RAPGEF6: variants seen among roughly 807,000 people sequenced by gnomAD.
The protein encoded by RAPGEF6 is Rap guanine nucleotide exchange factor 6.
Under a neutral mutation model 171.4 loss-of-function variants are expected in RAPGEF6, and 56 were observed. That is an observed-to-expected ratio of 0.33 (90% CI 0.26 to 0.41). The LOEUF is 0.41. Among genes scored for constraint, RAPGEF6 ranks in the 10% least tolerant of loss-of-function variants. RAPGEF6 has a pLI of 1.00. For missense variants in RAPGEF6, 1,674 were observed against 1,921.4 expected (o/e 0.87, Z 2.41); for synonymous variants, 692 against 650.1 (o/e 1.06, Z -0.98).
intron 1 of RAPGEF6, among the ~76,000 whole-genome samples, chr5:131,623,097 G>T (rs1282750553): frequency 6.6e-6 from 1 of 152,132 alleles, no homozygotes; most frequent in Non-Finnish European, 1.5e-5. Flanking sequence ...CTTCTTCTAA[G>T]TAGGCAATTA....
chr5:131,442,259 C>A, intron 23 of RAPGEF6, 90 bp downstream of exon 23: 1 of 1,273,500 alleles, frequency 7.9e-7, no homozygotes, highest in Admixed American at 2.4e-5. Context: ...CCTACAACAG[C>A]TTATCTCCTG....
At chr5:131,433,742 AC>A (rs1303929760) in intron 24 of RAPGEF6, 84 bp from the exon 25 acceptor site, 56 of 998,336 alleles carry the variant, frequency 5.6e-5, no homozygotes, top group African/African-American at 2.2e-4. Flanking sequence ...AAAAAAAAAA[AC>A]CCCACAAAAA....
intron 11 of RAPGEF6, among the ~76,000 whole-genome samples, chr5:131,503,612 C>T (rs182404465): frequency 1.4e-3 from 214 of 152,298 alleles, no homozygotes; most frequent in Middle Eastern, 0.014. Flanking sequence ...TAAACTGCTT[C>T]ATCTGCAATT....
At chr5:131,487,076 G>A (rs1356382708) in intron 15 of RAPGEF6, among the ~76,000 whole-genome samples, 2 of 152,136 alleles carry the variant, frequency 1.3e-5, no homozygotes, top group Admixed American at 1.3e-4. Flanking sequence ...CTGACTTCAA[G>A]AATGAAGATG....
At chr5:131,570,155 A>G (rs1762193910) in intron 4 of RAPGEF6, among the ~76,000 whole-genome samples, 1 of 152,052 alleles carries the variant, frequency 6.6e-6, no homozygotes, top group Non-Finnish European at 1.5e-5. Flanking sequence ...CAATTTGATA[A>G]GACAGTACAA....
At chr5:131,552,877 G>A (rs187154296) in intron 5 of RAPGEF6, among the ~76,000 whole-genome samples, 30 of 152,150 alleles carry the variant, frequency 2.0e-4, no homozygotes, top group Non-Finnish European at 4.0e-4. Context: ...CATGTAAGAA[G>A]CAAGACATAA....
intron 5 of RAPGEF6, among the ~76,000 whole-genome samples, chr5:131,551,237 G>A (rs1375553897): frequency 2.0e-5 from 3 of 152,110 alleles, no homozygotes; most frequent in African/African-American, 7.2e-5. Context: ...TCACAGGCTG[G>A]GCAGGGTGGC....
At chr5:131,545,025 A>G (rs1191823941) in intron 6 of RAPGEF6, among the ~76,000 whole-genome samples, 2 of 152,156 alleles carry the variant, frequency 1.3e-5, no homozygotes, top group Non-Finnish European at 2.9e-5. Flanking sequence ...ACCTTTAATA[A>G]TATCTCAATA....
intron 6 of RAPGEF6, among the ~76,000 whole-genome samples, chr5:131,540,262 C>T (rs1356511029): frequency 4.6e-5 from 7 of 152,326 alleles, no homozygotes; most frequent in Admixed American, 4.6e-4. Context: ...TACAGGCACA[C>T]TGCTATTTAA....
intron 16 of RAPGEF6, among the ~76,000 whole-genome samples, chr5:131,475,451 A>C (rs1755032803): frequency 6.6e-6 from 1 of 152,236 alleles, no homozygotes; most frequent in African/African-American, 2.4e-5. Flanking sequence ...ATGTAAATAA[A>C]ATAGAATCCC....
intron 4 of RAPGEF6, among the ~76,000 whole-genome samples, chr5:131,591,306 T>C (rs957186848): frequency 1.3e-5 from 2 of 152,198 alleles, no homozygotes; most frequent in African/African-American, 4.8e-5. Flanking sequence ...CCTAAAATCT[T>C]AATAATTACT....
chr5:131,514,671 A>G (rs900164458), intron 7 of RAPGEF6, among the ~76,000 whole-genome samples: 1 of 152,156 alleles, frequency 6.6e-6, no homozygotes. Context: ...AGAAGAATAA[A>G]TTTGAAGAAA....
intron 4 of RAPGEF6, among the ~76,000 whole-genome samples, chr5:131,583,988 T>A (rs1265376772): frequency 2.0e-5 from 3 of 152,148 alleles, no homozygotes; most frequent in Admixed American, 2.0e-4. Flanking sequence ...TGTAAACTAA[T>A]CTACATTGAT....
chr5:131,631,461 C>T (rs188895208), intron 1 of RAPGEF6, among the ~76,000 whole-genome samples: 218 of 152,322 alleles, frequency 1.4e-3, no homozygotes, highest in African/African-American at 5.0e-3. Context: ...GATCTATTAG[C>T]AAATCCTGTT....
chr5:131,436,100 T>C lies in RAPGEF6; in HGVS notation c.3746-2442A>G, dbSNP rs748821881. On this transcript the variant is annotated intron_variant, in intron 24 of 27. Coordinates refer to ENST00000509018, the MANE Select transcript of RAPGEF6 (RefSeq NM_016340.6). Reference sequence around the variant, plus strand: ...TCCTTCACTTTCTCACAGCTTTCTGTAGCTTGATTGTGATCTGTGTCCTCT... The same window carrying C: ...TCCTTCACTTTCTCACAGCTTTCTGCAGCTTGATTGTGATCTGTGTCCTCT... 15 of 1,538,032 alleles carry C rather than the reference T, an allele frequency of 9.8e-6. 1 individual carries two copies. In the South Asian group the frequency reaches 1.8e-4, roughly 18 times the overall value.
intron 3 of RAPGEF6, among the ~76,000 whole-genome samples, chr5:131,594,478 G>C (rs1485865680): frequency 6.6e-6 from 1 of 152,266 alleles, no homozygotes. Context: ...ACCTCCACTA[G>C]GGCAGTGCAG....
intron 24 of RAPGEF6, among the ~76,000 whole-genome samples, chr5:131,438,271 G>T (rs1186159199): frequency 3.3e-5 from 5 of 152,194 alleles, no homozygotes; most frequent in African/African-American, 1.2e-4. Context: ...CCATCTTACA[G>T]AGAGGAAACC....
intron 1 of RAPGEF6, among the ~76,000 whole-genome samples, chr5:131,631,733 G>A (rs1766317994): frequency 6.6e-6 from 1 of 152,060 alleles, no homozygotes; most frequent in African/African-American, 2.4e-5. Context: ...AATCTGTTGA[G>A]CCCAGAAATT....
chr5:131,453,537 G>C (rs1289769629), intron 20 of RAPGEF6, among the ~76,000 whole-genome samples: 1 of 152,098 alleles, frequency 6.6e-6, no homozygotes, highest in Non-Finnish European at 1.5e-5. Flanking sequence ...GCTGCAATGA[G>C]CCATGACTGT....
Sources: gnomAD v4.1 joint callset for allele counts (sites outside exome capture counted in the v4.1 genomes callset) on GRCh38, gnomAD v4.1.1 for gene constraint, MANE v1.5 for transcripts, NCBI Gene and HGNC (gene_info 2026-07-23, HGNC 2026-07-21) for gene names.